The following ADAMTS2 variants were observed in gnomAD, a reference collection of about 807,000 sequenced individuals.
ADAMTS2 encodes ADAM metallopeptidase with thrombospondin type 1 motif 2, also known as A disintegrin and metalloproteinase with thrombospondin motifs 2.
A neutral mutation model predicts 123.0 loss-of-function variants in ADAMTS2; 50 were observed. That is an observed-to-expected ratio of 0.41 (90% CI 0.32 to 0.51). ADAMTS2 has a LOEUF of 0.51. Ranked by LOEUF, ADAMTS2 falls within the 20% of genes least tolerant of loss-of-function variation. The pLI is 0.35. For missense variants in ADAMTS2, 1,494 were observed against 1,705.2 expected, an observed-to-expected ratio of 0.88 and a Z score of 2.18; for synonymous variants, 678 against 695.4, an observed-to-expected ratio of 0.98 and a Z score of 0.39.
rs572291210 is a variant in ADAMTS2 at position 179,303,399 on chromosome 5, C to G, written c.535-30335G>C. Reference sequence around the variant, plus strand: ...GATTCATGAGCAGCTAGCTGAGGACCCTGCAAAATAAATAACAGCATGCAG... The same window carrying G: ...GATTCATGAGCAGCTAGCTGAGGACGCTGCAAAATAAATAACAGCATGCAG... On this transcript the variant is annotated intron_variant, in intron 2 of 21. Coordinates refer to ENST00000251582, the MANE Select transcript of ADAMTS2 (RefSeq NM_014244.5). This position sits in a 1 kb window ranked among gnomAD's most constrained non-coding sequence, Gnocchi z 4.7. Among the ~76,000 whole-genome samples, 2 of 152,216 alleles carry G rather than the reference C, an allele frequency of 1.3e-5. No homozygotes were observed. The highest frequency in any genetic ancestry group is 2.1e-4 in the South Asian group (1 of 4,810).
intron 4 of ADAMTS2, 58 bp downstream of exon 4, chr5:179,207,455 G>T: frequency 3.2e-6 from 5 of 1,565,950 alleles, no homozygotes; most frequent in Non-Finnish European, 3.5e-6. Flanking sequence ...TCTCTGGCCT[G>T]CCCAGCCCCT....
rs1448036211 is a variant in ADAMTS2, at chr5:179,130,220, C to G, written c.2291-122G>C. 2.4e-6 allele frequency: 3 copies of G among 1,273,932 alleles called. No individual in the cohort carries two copies. The highest frequency in any genetic ancestry group is 3.3e-6 in the Non-Finnish European group (3 of 896,554). The allele number at this position is 1,273,932 out of a possible 1,614,324, so 78.9% of individuals were successfully genotyped here. ...GGACCCCTTGTCTCTCTGGCTGCCC[C>G]CGGCCAGTTTCCTCTGTGCCACGAC... On this transcript the variant is annotated intron_variant, in intron 15 of 21. Transcript: ENST00000251582. The surrounding 1 kb of genome is among the most constrained non-coding windows in gnomAD (Gnocchi z 4.3).
At chr5:179,300,753 G>C (rs111378342) in intron 2 of ADAMTS2, among the ~76,000 whole-genome samples, 4 of 152,314 alleles carry the variant, frequency 2.6e-5, no homozygotes, top group African/African-American at 9.6e-5. Context: ...TGCACTTTAA[G>C]GCCAAGCTCC....
At chr5:179,151,985 C>T (rs904166847) in intron 10 of ADAMTS2, among the ~76,000 whole-genome samples, 157 bp downstream of exon 10, 10 of 152,106 alleles carry the variant, frequency 6.6e-5, no homozygotes, top group African/African-American at 1.9e-4. Flanking sequence ...CGGCGTACAG[C>T]GTGTGAGGGG....
chr5:179,127,940 A>G lies in ADAMTS2; in HGVS notation c.2617+19T>C. ...TCACCCTCATGTCACCCAGGTCCCC[A>G]GCTTCGAGACCCCCTCACCTCCGCC... On this transcript the variant is annotated intron_variant, in intron 17 of 21. Transcript: ENST00000251582. 1 of 1,612,234 alleles carries G rather than the reference A, an allele frequency of 6.2e-7. No homozygotes were observed. Among genetic ancestry groups the G allele is most frequent in the South Asian group, 1.1e-5 (1 of 91,060 alleles).
chr5:179,241,963 G>C (rs338874), intron 3 of ADAMTS2, among the ~76,000 whole-genome samples: 77,864 of 151,964 alleles, frequency 0.51, 20,974 homozygotes, highest in Non-Finnish European at 0.56. Context: ...TCATGCCCAT[G>C]CTACTCCCCA....
At position 179,158,867 on chromosome 5, in the gene ADAMTS2, T is replaced by C; in HGVS notation, c.988A>G (p.Ile330Val). ...CTCTGAGAGGGGTTCCCGATCTCGA[T>C]GAGGCTCATGGACTGCAGGGGGATG... Reference protein sequence around the residue: ...LLSYGKSMSLIEIGNPSQSLE... With the variant: ...LLSYGKSMSLVEIGNPSQSLE... Residue 330 changes from isoleucine (I) to valine (V), a missense_variant, in exon 6 of 22, where the codon ATC (isoleucine) becomes GTC (valine). Ile to Val is a conservative substitution (Grantham distance 29). Transcript: ENST00000251582. This position sits in a 1 kb window ranked among gnomAD's most constrained non-coding sequence, Gnocchi z 5.0. 6.2e-7 allele frequency: 1 copy of C among 1,614,106 alleles called. No homozygotes were observed. The highest frequency in any genetic ancestry group is 2.2e-5 in the East Asian group (1 of 44,884).
In ADAMTS2 at chr5:179,312,374, G is replaced by A. The variant is rs79369597; in HGVS notation, c.534+31393C>T. Reference sequence around the variant, plus strand: ...TTATGTCACCAGATTCCATCCACACGAATGGGATTTGTGCCCCGATCAGAG... The same window carrying A: ...TTATGTCACCAGATTCCATCCACACAAATGGGATTTGTGCCCCGATCAGAG... On this transcript the variant is annotated intron_variant, in intron 2 of 21. Coordinates refer to ENST00000251582, the MANE Select transcript of ADAMTS2 (RefSeq NM_014244.5). The surrounding 1 kb of genome is among the most constrained non-coding windows in gnomAD (Gnocchi z 4.2). Among the ~76,000 whole-genome samples the A allele has an allele frequency of 2.0e-5, 3 of 152,104 alleles. No homozygotes were observed. The highest frequency in any genetic ancestry group is 4.1e-4 in the South Asian group (2 of 4,828).
At position 179,162,254 on chromosome 5, in the gene ADAMTS2, GGGGC is replaced by G. The variant is rs1188566038; in HGVS notation, c.976-3379_976-3376del. Among the ~76,000 whole-genome samples the G allele has an allele frequency of 2.0e-5, 3 of 152,174 alleles. No homozygotes were observed. Among genetic ancestry groups the G allele is most frequent in the African/African-American group, 7.2e-5 (3 of 41,450 alleles). ...AATCTGAGTCAGACCCCAGGCTTCAGGGGCAGGCAGGCCTGGCCAATCCCAGCAC... is the reference window on the plus strand; with the variant it reads ...AATCTGAGTCAGACCCCAGGCTTCAGAGGCAGGCCTGGCCAATCCCAGCAC... On this transcript the variant is annotated intron_variant, in intron 5 of 21. Transcript: ENST00000251582. This position sits in a 1 kb window ranked among gnomAD's most constrained non-coding sequence, Gnocchi z 5.1.
intron 4 of ADAMTS2, among the ~76,000 whole-genome samples, chr5:179,184,465 C>T (rs572346776): frequency 1.8e-4 from 26 of 146,200 alleles, no homozygotes; most frequent in Middle Eastern, 7.0e-3. Context: ...GAGCCGAGAT[C>T]GCGTCATTGC....
chr5:179,262,537 G>A lies in ADAMTS2; in HGVS notation c.688+10374C>T, dbSNP rs923951877. On this transcript the variant is annotated intron_variant, in intron 3 of 21. Transcript: ENST00000251582. The surrounding 1 kb of genome is among the most constrained non-coding windows in gnomAD (Gnocchi z 5.9). The stretch of plus-strand genomic sequence containing the variant: ...TGCACGCCTCCCACTCCCCCATTAC[G>A]TCCTCAGTTCCAGGTACTAGCTCTT... Among the ~76,000 whole-genome samples, 3 of 151,876 alleles carry A rather than the reference G, an allele frequency of 2.0e-5. No homozygotes were observed. The highest frequency in any genetic ancestry group is 4.4e-5 in the Non-Finnish European group (3 of 67,974).
In ADAMTS2 at chr5:179,225,548, C is replaced by T. The variant is rs771944583; in HGVS notation, c.689-17833G>A. On this transcript the variant is annotated intron_variant, in intron 3 of 21. Transcript: ENST00000251582. The surrounding 1 kb of genome is among the most constrained non-coding windows in gnomAD (Gnocchi z 4.5). Reference sequence around the variant, plus strand: ...GACCCTAACAGGCAGACACAGGCGGCTGGACGTCGAGAGGAGCGCATGAGG... The same window carrying T: ...GACCCTAACAGGCAGACACAGGCGGTTGGACGTCGAGAGGAGCGCATGAGG... Among the ~76,000 whole-genome samples the T allele has an allele frequency of 7.2e-5, 11 of 152,094 alleles. No homozygotes were observed. The highest frequency in any genetic ancestry group is 1.5e-4 in the Non-Finnish European group (10 of 68,008).
At chr5:179,220,154 G>A (rs1277478707) in intron 3 of ADAMTS2, among the ~76,000 whole-genome samples, 1 of 152,260 alleles carries the variant, frequency 6.6e-6, no homozygotes, top group Non-Finnish European at 1.5e-5. Flanking sequence ...GGTGGGGGCC[G>A]ATGGAGAGGC....
intron 3 of ADAMTS2, among the ~76,000 whole-genome samples, chr5:179,237,788 T>C (rs1765564444): frequency 6.6e-6 from 1 of 152,156 alleles, no homozygotes; most frequent in African/African-American, 2.4e-5. Flanking sequence ...AGCATCTGTG[T>C]CCTCTGGTTT....
intron 13 of ADAMTS2, among the ~76,000 whole-genome samples, chr5:179,134,258 T>C (rs575908766): frequency 6.6e-6 from 1 of 152,236 alleles, no homozygotes; most frequent in Non-Finnish European, 1.5e-5. Flanking sequence ...AGACTACACC[T>C]CCCAGGGGTA....
intron 5 of ADAMTS2, among the ~76,000 whole-genome samples, chr5:179,160,408 G>A (rs577426242): frequency 4.6e-5 from 7 of 152,164 alleles, no homozygotes; most frequent in South Asian, 2.1e-4. Flanking sequence ...CTGAGATCAC[G>A]CCACTGCACT....
rs915114534 is a variant in ADAMTS2, at chr5:179,272,009, A to C, written c.688+902T>G. On this transcript the variant is annotated intron_variant, in intron 3 of 21. Transcript: ENST00000251582. This position sits in a 1 kb window ranked among gnomAD's most constrained non-coding sequence, Gnocchi z 5.8. The stretch of plus-strand genomic sequence containing the variant: ...AGACTCTCCTCACCCAGGGGTCCTG[A>C]CCAGAGGCTGAGGGCTGAGCTCGCA... 1.3e-5 allele frequency among the ~76,000 whole-genome samples: 2 copies of C among 152,152 alleles called. No individual in the cohort carries two copies. Among genetic ancestry groups the C allele is most frequent in the Admixed American group, 1.3e-4 (2 of 15,282 alleles).
At chr5:179,214,290 A>G (rs1614228) in intron 3 of ADAMTS2, among the ~76,000 whole-genome samples, 6,410 of 99,626 alleles carry the variant, frequency 0.064, 25 homozygotes, top group Admixed American at 0.083. Flanking sequence ...CGTGCCCACA[A>G]TCACCATTAC....
chr5:179,174,834 A>G (rs4701073), intron 5 of ADAMTS2, among the ~76,000 whole-genome samples: 11 of 70,122 alleles, frequency 1.6e-4, no homozygotes, highest in East Asian at 1.1e-3. Flanking sequence ...CAGCTGTCTC[A>G]GCCATTCTTG....
Sources: allele counts gnomAD v4.1 joint callset (sites outside exome capture counted in the v4.1 genomes callset), GRCh38; gene constraint gnomAD v4.1.1; non-coding constraint Gnocchi (gnomAD v3.1); transcripts MANE v1.5; gene names NCBI Gene and HGNC (gene_info 2026-07-23, HGNC 2026-07-21).